Variants in SLC31A1 observed in about 807,000 individuals in gnomAD.
SLC31A1 encodes the protein solute carrier family 31 member 1.
A neutral mutation model predicts 17.2 loss-of-function variants in SLC31A1; 5 were observed. The ratio of observed to expected loss-of-function variants is 0.29; its 90% CI spans 0.15 to 0.61. The LOEUF is 0.61. SLC31A1 is among the 20% of genes least tolerant of loss of function. SLC31A1 has a pLI of 0.86. For synonymous variants in SLC31A1, 76 were observed against 78.8 expected (o/e 0.96, Z 0.19); for missense variants, 161 against 241.4 (o/e 0.67, Z 2.21).
intron 1 of SLC31A1, among the ~76,000 whole-genome samples, chr9:113,241,590 C>T (rs967353217): frequency 3.9e-5 from 6 of 152,064 alleles, no homozygotes; most frequent in Non-Finnish European, 8.8e-5. Flanking sequence ...TTCTGTGACC[C>T]GCAAATTAAG....
chr9:113,226,638 G>A (rs1322862670), intron 1 of SLC31A1, among the ~76,000 whole-genome samples: 1 of 152,114 alleles, frequency 6.6e-6, no homozygotes. Flanking sequence ...CTAGGCTTTT[G>A]TATACAACCT....
At chr9:113,228,411 C>A (rs1831365766) in intron 1 of SLC31A1, among the ~76,000 whole-genome samples, 1 of 152,224 alleles carries the variant, frequency 6.6e-6, no homozygotes. Flanking sequence ...GAGATCCACT[C>A]CCCATTGGAC....
In SLC31A1 at chr9:113,239,820, G is replaced by C. The variant is rs149878135; in HGVS notation, c.-35-16294G>C. On this transcript the variant is annotated intron_variant, in intron 1 of 4. Transcript: ENST00000374212. Reference sequence around the variant, plus strand: ...TCTGGTCTTGAACTCCTGACCTCAAGTGATTCACCCTTCTTGGCCTCCCAA... The same window carrying C: ...TCTGGTCTTGAACTCCTGACCTCAACTGATTCACCCTTCTTGGCCTCCCAA... Among the ~76,000 whole-genome samples the C allele has an allele frequency of 3.6e-4, 55 of 152,356 alleles. 1 individual carries two copies. The East Asian group carries it at 0.011, about 29-fold the overall frequency.
intron 1 of SLC31A1, among the ~76,000 whole-genome samples, chr9:113,226,980 A>T (rs1831348709): frequency 6.6e-6 from 1 of 152,190 alleles, no homozygotes; most frequent in Admixed American, 6.5e-5. Context: ...TCTATACCTT[A>T]GTACATTTTA....
rs1014065395 is a variant in SLC31A1, at chr9:113,258,066, C to T, written c.203-628C>T. Among the ~76,000 whole-genome samples, 1 of 152,126 alleles carries T rather than the reference C, an allele frequency of 6.6e-6. No individual in the cohort carries two copies. Among genetic ancestry groups the T allele is most frequent in the Non-Finnish European group, 1.5e-5 (1 of 68,032 alleles). ...GATTCTTGGCACGGCCCATCTTAGA[C>T]ACTCCTAGTTTTGAGGTAGATGATT... On this transcript the variant is annotated intron_variant, in intron 3 of 4. Coordinates refer to ENST00000374212, the MANE Select transcript of SLC31A1 (RefSeq NM_001859.4). This position sits in a 1 kb window ranked among gnomAD's most constrained non-coding sequence, Gnocchi z 4.8.
At chr9:113,257,230 G>C (rs771687608) in intron 3 of SLC31A1, 45 bp downstream of exon 3, 41 of 1,501,834 alleles carry the variant, frequency 2.7e-5, no homozygotes, top group Middle Eastern at 1.7e-4. Flanking sequence ...AGTCACATGA[G>C]AGACAGTGAC....
chr9:113,232,549 T>C (rs1193143063), intron 1 of SLC31A1, among the ~76,000 whole-genome samples: 1 of 151,820 alleles, frequency 6.6e-6, no homozygotes, highest in Non-Finnish European at 1.5e-5. Flanking sequence ...ACAGCAGAGA[T>C]GGCCAGGCAC....
chr9:113,235,673 C>A (rs1831450077), intron 1 of SLC31A1, among the ~76,000 whole-genome samples: 1 of 152,144 alleles, frequency 6.6e-6, no homozygotes, highest in Admixed American at 6.5e-5. Flanking sequence ...CTGGGAGAGG[C>A]AGGAGGGGAG....
At chr9:113,231,562 TC>T (rs1471962114) in intron 1 of SLC31A1, among the ~76,000 whole-genome samples, 44 of 106,816 alleles carry the variant, frequency 4.1e-4, no homozygotes, top group African/African-American at 1.5e-3. Context: ...TGATCTTGTC[TC>T]AAAAAAAAAA....
At chr9:113,256,317 C>G (rs775866453) in intron 2 of SLC31A1, 40 bp downstream of exon 2, 2 of 1,609,274 alleles carry the variant, frequency 1.2e-6, no homozygotes, top group Non-Finnish European at 1.7e-6. Context: ...CCTTTCCCAC[C>G]CACTTGGGTA....
At chr9:113,222,266 T>C (rs569536780) in intron 1 of SLC31A1, among the ~76,000 whole-genome samples, 19 of 152,208 alleles carry the variant, frequency 1.2e-4, no homozygotes, top group African/African-American at 4.6e-4. Flanking sequence ...AGCTAAGATA[T>C]TCTGGCGGTG....
chr9:113,259,673 C>T (rs1831768978), intron 4 of SLC31A1, among the ~76,000 whole-genome samples: 1 of 150,210 alleles, frequency 6.7e-6, no homozygotes. Context: ...CAATCTCTGC[C>T]TTCCAGACTC....
At chr9:113,250,489 G>GTTCTCATT (rs1831636657) in intron 1 of SLC31A1, among the ~76,000 whole-genome samples, 2 of 148,138 alleles carry the variant, frequency 1.4e-5, no homozygotes, top group Admixed American at 6.8e-5. Context: ...GAGAACACAT[G>GTTCTCATT]GACACAGGAA....
intron 1 of SLC31A1, among the ~76,000 whole-genome samples, chr9:113,236,437 C>G (rs1289453002): frequency 6.6e-6 from 1 of 152,080 alleles, no homozygotes; most frequent in Admixed American, 6.5e-5. Flanking sequence ...GATCTCGGCT[C>G]ACTGCAAGCT....
intron 1 of SLC31A1, among the ~76,000 whole-genome samples, chr9:113,225,718 A>T (rs961985417): frequency 6.6e-6 from 1 of 152,172 alleles, no homozygotes; most frequent in Admixed American, 6.5e-5. Flanking sequence ...GTCTTTCTCT[A>T]CCTCTTTTGT....
At chr9:113,232,826 G>A (rs761097370) in intron 1 of SLC31A1, among the ~76,000 whole-genome samples, 8 of 149,840 alleles carry the variant, frequency 5.3e-5, no homozygotes, top group Non-Finnish European at 1.2e-4. Context: ...CCTGGGTGAC[G>A]AGAGTGAAAC....
At chr9:113,232,389 A>G (rs973461032) in intron 1 of SLC31A1, among the ~76,000 whole-genome samples, 3 of 152,208 alleles carry the variant, frequency 2.0e-5, no homozygotes, top group African/African-American at 7.2e-5. Context: ...CAGAAACTTT[A>G]AAACATTTCA....
chr9:113,257,589 G>A (rs760439964), intron 3 of SLC31A1, among the ~76,000 whole-genome samples: 10 of 148,488 alleles, frequency 6.7e-5, no homozygotes, highest in Non-Finnish European at 1.2e-4. Flanking sequence ...AGGTTCAAGC[G>A]ATTCTCCTGC....
At chr9:113,234,834 C>T (rs1451141870) in intron 1 of SLC31A1, among the ~76,000 whole-genome samples, 1 of 152,130 alleles carries the variant, frequency 6.6e-6, no homozygotes, top group Non-Finnish European at 1.5e-5. Context: ...ATGGCAGTCT[C>T]TTCAATATGT....
Sources: gnomAD v4.1 joint callset for allele counts (sites outside exome capture counted in the v4.1 genomes callset) on GRCh38, gnomAD v4.1.1 for gene constraint, Gnocchi (gnomAD v3.1) non-coding constraint, MANE v1.5 for transcripts, NCBI Gene and HGNC (gene_info 2026-07-23, HGNC 2026-07-21) for gene names.